The following CACNA2D2 variants were observed in gnomAD, a reference collection of about 807,000 sequenced individuals.
CACNA2D2 encodes the protein voltage-dependent calcium channel subunit alpha-2/delta-2.
In CACNA2D2, 48 loss-of-function variants were observed where a neutral mutation model predicts 166.4. That is an observed-to-expected ratio of 0.29 (90% CI 0.23 to 0.37). CACNA2D2 has a LOEUF of 0.37. Among genes scored for constraint, CACNA2D2 ranks in the 10% least tolerant of loss-of-function variants. The pLI is 1.00. For synonymous variants in CACNA2D2, 561 were observed against 573.7 expected (o/e 0.98, Z 0.32); for missense variants, 1,122 against 1,433.0 (o/e 0.78, Z 3.50).
intron 3 of CACNA2D2, among the ~76,000 whole-genome samples, chr3:50,417,105 T>G (rs560263715): frequency 1.3e-5 from 2 of 152,166 alleles, no homozygotes; most frequent in Non-Finnish European, 2.9e-5. Flanking sequence ...TGAGAGCCTG[T>G]GAGATGAGAC....
chr3:50,407,344 C>A (rs1238428835), intron 3 of CACNA2D2, among the ~76,000 whole-genome samples: 1 of 151,938 alleles, frequency 6.6e-6, no homozygotes, highest in African/African-American at 2.4e-5. Context: ...TCAGATGGAA[C>A]CATGGTGCTG....
At chr3:50,500,673 TACATGTGTGCAA>T (rs1698925780) in intron 1 of CACNA2D2, among the ~76,000 whole-genome samples, 2 of 152,168 alleles carry the variant, frequency 1.3e-5, no homozygotes, top group South Asian at 4.1e-4. Context: ...TACATGTGCA[TACATGTGTGCAA>T]ACATGTAGCC....
chr3:50,383,640 C>T (rs1705441274), intron 6 of CACNA2D2, among the ~76,000 whole-genome samples: 1 of 152,182 alleles, frequency 6.6e-6, no homozygotes, highest in South Asian at 2.1e-4. Flanking sequence ...TTCCACATCC[C>T]CCTTCCTTAT....
At chr3:50,493,768 G>C (rs1367926981) in intron 1 of CACNA2D2, among the ~76,000 whole-genome samples, 2 of 152,232 alleles carry the variant, frequency 1.3e-5, no homozygotes, top group South Asian at 4.1e-4. Context: ...CAGAGCTGGA[G>C]GCGGGGCACG....
In CACNA2D2 at chr3:50,367,139, G is replaced by T. The variant is rs200991579; in HGVS notation, c.2402-30C>A. 1.2e-3 allele frequency: 1,810 copies of T among 1,539,002 alleles called. 2 individuals are homozygous for T. The highest frequency in any genetic ancestry group is 1.3e-3 in the Non-Finnish European group (1,446 of 1,115,324). ...GGGTTGGGTGGGGAAGTCAGGAGTG[G>T]GGTCTGGCGGCCACACTGACCACTC... On this transcript the variant is annotated intron_variant, in intron 27 of 37. Transcript: ENST00000424201. This position sits in a 1 kb window ranked among gnomAD's most constrained non-coding sequence, Gnocchi z 6.5.
In CACNA2D2 at chr3:50,503,553, G is replaced by T. The variant is rs1699079643; in HGVS notation, c.-130C>A. Reference sequence around the variant, plus strand: ...CCTCCGCCGCCGCCTTCTCCGCGAGGGGCCTCCGGGGCTGCACGGGCCGCA... The same window carrying T: ...CCTCCGCCGCCGCCTTCTCCGCGAGTGGCCTCCGGGGCTGCACGGGCCGCA... On this transcript the variant is annotated 5_prime_UTR_variant, in exon 1 of 38. Coordinates refer to ENST00000424201, the MANE Select transcript of CACNA2D2 (RefSeq NM_006030.4). 1 of 168,060 alleles carries T rather than the reference G, an allele frequency of 6.0e-6. No homozygotes were observed. The highest frequency in any genetic ancestry group is 6.3e-5 in the Admixed American group (1 of 15,764). The allele number at this position is 168,060 out of a possible 1,614,324, so 10.4% of individuals were successfully genotyped here.
Position 50,400,008 on chromosome 3 carries a change from T to C in CACNA2D2, c.406-5840A>G, listed in dbSNP as rs549395548. Reference sequence around the variant, plus strand: ...CCTGCCTAGCCCAGCACTGGCCCCATTGCCACCCGTCTTCCCTCCCAACTT... The same window carrying C: ...CCTGCCTAGCCCAGCACTGGCCCCACTGCCACCCGTCTTCCCTCCCAACTT... On this transcript the variant is annotated intron_variant, in intron 3 of 37. Transcript: ENST00000424201. Among the ~76,000 whole-genome samples the C allele has an allele frequency of 5.3e-5, 8 of 152,306 alleles. No homozygotes were observed. The South Asian group carries it at 6.2e-4, about 12-fold the overall frequency.
At chr3:50,395,419 G>C (rs1427254805) in intron 3 of CACNA2D2, among the ~76,000 whole-genome samples, 5 of 152,174 alleles carry the variant, frequency 3.3e-5, no homozygotes, top group African/African-American at 1.2e-4. Context: ...ACCAGCCTCT[G>C]TTGGGCCCAC....
At chr3:50,418,567 T>C (rs1707379364) in intron 3 of CACNA2D2, among the ~76,000 whole-genome samples, 1 of 152,202 alleles carries the variant, frequency 6.6e-6, no homozygotes, top group Admixed American at 6.5e-5. Flanking sequence ...CCTCAGGGTC[T>C]GTGAAGCAGG....
At chr3:50,397,856 G>C (rs557172827) in intron 3 of CACNA2D2, among the ~76,000 whole-genome samples, 1 of 152,316 alleles carries the variant, frequency 6.6e-6, no homozygotes, top group Non-Finnish European at 1.5e-5. Flanking sequence ...CGCCAAGGAG[G>C]ACATGTCCTG....
intron 3 of CACNA2D2, among the ~76,000 whole-genome samples, chr3:50,408,278 C>A (rs542532982): frequency 6.6e-6 from 1 of 152,242 alleles, no homozygotes; most frequent in Non-Finnish European, 1.5e-5. Flanking sequence ...AAAGCCAGGG[C>A]TCCCTGCACA....
rs1016272073 is a variant in CACNA2D2 at position 50,364,446 on chromosome 3, A to C, written c.*220T>G. 3 of 580,406 alleles carry C rather than the reference A, an allele frequency of 5.2e-6. No homozygotes were observed. The African/African-American group carries it at 5.7e-5, about 11-fold the overall frequency. 36.0% of individuals were successfully genotyped at this position (580,406 alleles called of 1,614,324 possible). ...GCAAGAAGGGTCTGGGGACACTTGAACAGTTCGGAGGTGAGATGTGATTTG... is the reference window on the plus strand; with the variant it reads ...GCAAGAAGGGTCTGGGGACACTTGACCAGTTCGGAGGTGAGATGTGATTTG... On this transcript the variant is annotated 3_prime_UTR_variant, in exon 38 of 38. Transcript: ENST00000424201.
intron 1 of CACNA2D2, among the ~76,000 whole-genome samples, chr3:50,478,268 T>G (rs1202694398): frequency 6.6e-6 from 1 of 152,204 alleles, no homozygotes; most frequent in Admixed American, 6.5e-5. Flanking sequence ...ACAGCCTGCG[T>G]GACCCCTGGC....
intron 2 of CACNA2D2, among the ~76,000 whole-genome samples, chr3:50,455,428 G>A (rs1298737393): frequency 6.6e-6 from 1 of 152,194 alleles, no homozygotes; most frequent in Non-Finnish European, 1.5e-5. Context: ...ACCGGCACAT[G>A]GACTTTTATT....
rs142099149 is a variant in CACNA2D2, at chr3:50,384,303, G to A, written c.545C>T (p.Ser182Phe). The A allele has an allele frequency of 5.6e-6, 9 of 1,614,016 alleles. No homozygotes were observed. In the African/African-American group the frequency reaches 1.2e-4, roughly 22 times the overall value. ...GTCCAGCCTTAGGGTGCTGGCCTTA[G>A]ACCCCCTTTCCACATCCTCACTCTC... ...DPESEDVERGSKASTLRLDFI... is the reference protein window; with the variant it reads ...DPESEDVERGFKASTLRLDFI... Residue 182 changes from serine to phenylalanine, a missense_variant, in exon 6 of 38, where the codon TCT (serine) becomes TTT (phenylalanine). Transcript: ENST00000424201.
rs770912882 is a variant in CACNA2D2 at position 50,375,910 on chromosome 3, G to T, written c.1774-30C>A. The T allele has an allele frequency of 3.7e-6, 6 of 1,612,542 alleles. No homozygotes were observed. Among genetic ancestry groups the T allele is most frequent in the Admixed American group, 1.7e-5 (1 of 59,988 alleles). On this transcript the variant is annotated intron_variant, in intron 19 of 37. Transcript: ENST00000424201. This position sits in a 1 kb window ranked among gnomAD's most constrained non-coding sequence, Gnocchi z 4.0. ...AAGGGCCAGAGATGTGAGGGGCAGGGCCCCTACACTCCTCTGCTCTGTCCC... is the reference window on the plus strand; with the variant it reads ...AAGGGCCAGAGATGTGAGGGGCAGGTCCCCTACACTCCTCTGCTCTGTCCC...
At chr3:50,390,699 C>G (rs943965166) in intron 4 of CACNA2D2, among the ~76,000 whole-genome samples, 2 of 152,152 alleles carry the variant, frequency 1.3e-5, no homozygotes, top group Admixed American at 1.3e-4. Flanking sequence ...AGGCGAGGGG[C>G]GGGGCAGGAG....
At chr3:50,402,434 C>A (rs1434631326) in intron 3 of CACNA2D2, among the ~76,000 whole-genome samples, 2 of 152,208 alleles carry the variant, frequency 1.3e-5, no homozygotes, top group Admixed American at 1.3e-4. Context: ...CTCTGCCTTA[C>A]CCAGTCCCCT....
intron 2 of CACNA2D2, among the ~76,000 whole-genome samples, chr3:50,457,742 A>G (rs549148237): frequency 6.6e-6 from 1 of 152,278 alleles, no homozygotes; most frequent in Non-Finnish European, 1.5e-5. Flanking sequence ...CACCTTTTAT[A>G]TATGAAGAAA....
Sources: gnomAD v4.1 joint callset for allele counts (sites outside exome capture counted in the v4.1 genomes callset) on GRCh38, gnomAD v4.1.1 for gene constraint, Gnocchi (gnomAD v3.1) non-coding constraint, MANE v1.5 for transcripts, NCBI Gene and HGNC (gene_info 2026-07-23, HGNC 2026-07-21) for gene names.